Variants in ERP44 observed in about 807,000 individuals in gnomAD.
The protein encoded by ERP44 is endoplasmic reticulum resident protein 44.
A neutral mutation model predicts 53.4 loss-of-function variants in ERP44; 25 were observed. The observed-to-expected ratio is 0.47, with a 90% CI of 0.34 to 0.65. The LOEUF is 0.65. ERP44 is among the 30% of genes least tolerant of loss of function. ERP44 has a pLI of 0.01. For synonymous variants in ERP44, 145 were observed against 161.2 expected, an observed-to-expected ratio of 0.90 and a Z score of 0.76; for missense variants, 338 against 493.2, an observed-to-expected ratio of 0.69 and a Z score of 2.98.
chr9:100,053,270 T>C (rs1238775652), intron 3 of ERP44, among the ~76,000 whole-genome samples: 1 of 152,138 alleles, frequency 6.6e-6, no homozygotes, highest in African/African-American at 2.4e-5. Context: ...CAGAAGCAAA[T>C]ATCTTAAATT....
chr9:100,062,486 G>A (rs976375762), intron 1 of ERP44, among the ~76,000 whole-genome samples: 2 of 151,620 alleles, frequency 1.3e-5, no homozygotes, highest in Non-Finnish European at 2.9e-5. Flanking sequence ...ACTTAAGAAG[G>A]CAGAAAAATA....
chr9:100,074,754 G>A (rs1826338041), intron 1 of ERP44, among the ~76,000 whole-genome samples: 1 of 152,202 alleles, frequency 6.6e-6, no homozygotes, highest in African/African-American at 2.4e-5. Context: ...CTGGATCTGA[G>A]CTGATGTTGA....
intron 1 of ERP44, among the ~76,000 whole-genome samples, chr9:100,080,644 A>G (rs1826412246): frequency 6.6e-6 from 1 of 152,200 alleles, no homozygotes; most frequent in Non-Finnish European, 1.5e-5. Flanking sequence ...AGGGCCAAAA[A>G]AAGGCAGGGA....
At chr9:100,018,444 A>G in intron 6 of ERP44, 131 bp from the exon 7 acceptor site, 4 of 603,880 alleles carry the variant, frequency 6.6e-6, no homozygotes, top group South Asian at 6.1e-5. Flanking sequence ...AAAAGTATAC[A>G]TTTAAAGAAA....
At chr9:99,986,793 T>C (rs1830199336) in intron 10 of ERP44, among the ~76,000 whole-genome samples, 1 of 152,240 alleles carries the variant, frequency 6.6e-6, no homozygotes, top group Admixed American at 6.5e-5. Flanking sequence ...AGAATGCCTC[T>C]GAAAGGTTCT....
At chr9:100,078,912 T>C (rs1826388726) in intron 1 of ERP44, among the ~76,000 whole-genome samples, 1 of 152,234 alleles carries the variant, frequency 6.6e-6, no homozygotes, top group Non-Finnish European at 1.5e-5. Context: ...GTGCGAAGGA[T>C]AGTTGTATTA....
intron 3 of ERP44, among the ~76,000 whole-genome samples, chr9:100,054,418 CT>C (rs942019322): frequency 1.6e-4 from 24 of 152,116 alleles, no homozygotes; most frequent in Admixed American, 2.6e-4. Context: ...CTCTTTATGG[CT>C]TAAGGGCGAC....
chr9:100,031,225 G>C (rs1361093659), intron 4 of ERP44, among the ~76,000 whole-genome samples: 1 of 151,938 alleles, frequency 6.6e-6, no homozygotes, highest in Admixed American at 6.6e-5. Context: ...TTCTCATTTT[G>C]TTCTATGTCT....
At chr9:100,024,766 T>C (rs940711128) in intron 4 of ERP44, among the ~76,000 whole-genome samples, 1 of 152,138 alleles carries the variant, frequency 6.6e-6, no homozygotes, top group South Asian at 2.1e-4. Context: ...TAAAACTGAG[T>C]AATTAAGTAA....
chr9:100,006,670 G>A (rs182074851), intron 9 of ERP44, 23 bp from the exon 10 acceptor site: 116 of 1,519,130 alleles, frequency 7.6e-5, no homozygotes, highest in Admixed American at 1.8e-4. Flanking sequence ...AGAATTTTGA[G>A]AGGTAAATTC....
intron 8 of ERP44, among the ~76,000 whole-genome samples, chr9:100,008,141 T>C (rs1204332209): frequency 6.6e-6 from 1 of 152,224 alleles, no homozygotes; most frequent in African/African-American, 2.4e-5. Flanking sequence ...TGCAAAATTT[T>C]TTGTATTTTT....
chr9:99,989,115 C>G (rs1244664710), intron 10 of ERP44, among the ~76,000 whole-genome samples: 1 of 152,238 alleles, frequency 6.6e-6, no homozygotes, highest in African/African-American at 2.4e-5. Flanking sequence ...CAGGGCATAG[C>G]TGAATAAAAG....
chr9:100,094,102 A>G (rs1218860415), intron 1 of ERP44, among the ~76,000 whole-genome samples: 1 of 152,244 alleles, frequency 6.6e-6, no homozygotes, highest in Non-Finnish European at 1.5e-5. Flanking sequence ...GCTATCTGTA[A>G]CAGCAAAAGA....
chr9:99,990,047 T>C (rs1830237115), intron 10 of ERP44, among the ~76,000 whole-genome samples: 1 of 152,184 alleles, frequency 6.6e-6, no homozygotes, highest in Non-Finnish European at 1.5e-5. Flanking sequence ...ATTTGACTGG[T>C]GTACCTGAAA....
At chr9:100,007,969 T>C (rs1252822854) in intron 8 of ERP44, among the ~76,000 whole-genome samples, 2 of 152,192 alleles carry the variant, frequency 1.3e-5, no homozygotes, top group Admixed American at 6.5e-5. Flanking sequence ...GTATGGGATA[T>C]GAGACTTCAG....
Position 100,057,834 on chromosome 9 carries a change from A to G in ERP44, c.156T>C (p.Asn52=). 6.2e-7 allele frequency: 1 copy of G among 1,606,624 alleles called. No individual in the cohort carries two copies. Among genetic ancestry groups the G allele is most frequent in the Non-Finnish European group, 8.5e-7 (1 of 1,176,018 alleles). Residue 52 remains asparagine (N), a synonymous_variant, in exon 3 of 12, where the codon AAT becomes AAC. Coordinates refer to ENST00000262455, the MANE Select transcript of ERP44 (RefSeq NM_015051.3). ...AGATTACTTACCAGTCAGCATAAAA[A>G]TTTACTAAAGCAACATCAGCATTGT... is the stretch of plus-strand genomic sequence containing the variant. ...ILNNADVALV[N]FYADWCRFSQ... is the part of the protein sequence containing the mutation.
intron 1 of ERP44, among the ~76,000 whole-genome samples, chr9:100,084,398 A>C (rs756408425): frequency 1.3e-5 from 2 of 152,198 alleles, no homozygotes; most frequent in Non-Finnish European, 2.9e-5. Context: ...TTCAGAACCT[A>C]AACATAAAGA....
intron 7 of ERP44, 68 bp from the exon 8 acceptor site, chr9:100,016,506 T>C (rs1830527492): frequency 6.8e-6 from 10 of 1,465,394 alleles, no homozygotes; most frequent in Non-Finnish European, 9.0e-6. Context: ...TTATTTTTTT[T>C]CTTTATATTT....
chr9:100,007,764 T>A (rs1209411920), intron 8 of ERP44, 75 bp from the exon 9 acceptor site: 3 of 835,046 alleles, frequency 3.6e-6, no homozygotes, highest in Non-Finnish European at 6.2e-6. Context: ...GTAGGAACAA[T>A]TTTGAACCCA....
Sources: gnomAD v4.1 joint callset for allele counts (sites outside exome capture counted in the v4.1 genomes callset) on GRCh38, gnomAD v4.1.1 for gene constraint, MANE v1.5 for transcripts, NCBI Gene and HGNC (gene_info 2026-07-23, HGNC 2026-07-21) for gene names.